Variants in POU6F2 observed in about 807,000 individuals in gnomAD.
POU6F2 encodes the protein POU domain, class 6, transcription factor 2.
A neutral mutation model predicts 71.3 loss-of-function variants in POU6F2; 31 were observed. That is an observed-to-expected ratio of 0.43 (90% CI 0.33 to 0.59). The LOEUF (loss-of-function observed/expected upper bound fraction) is 0.59, where lower values mean the gene tolerates loss of function less well. Among genes scored for constraint, POU6F2 ranks in the 20% least tolerant of loss-of-function variants. The probability of loss-of-function intolerance (pLI) is 0.04; values close to 1 mark genes in which losing one functional copy is unlikely to be tolerated. For missense variants in POU6F2, 783 were observed against 856.8 expected (o/e 0.91, Z 1.07); for synonymous variants, 347 against 355.7 (o/e 0.98, Z 0.27).
intron 4 of POU6F2, among the ~76,000 whole-genome samples, chr7:39,334,245 A>C (rs774381674): frequency 4.6e-5 from 7 of 152,212 alleles, no homozygotes; most frequent in Non-Finnish European, 7.3e-5. Context: ...ACTCTGAGGC[A>C]GAATTGACTT....
intron 2 of POU6F2, among the ~76,000 whole-genome samples, chr7:39,183,101 G>C (rs948436435): frequency 2.0e-5 from 3 of 152,182 alleles, no homozygotes; most frequent in African/African-American, 7.2e-5. Flanking sequence ...TCCACCTCCT[G>C]TCAGATCAGC....
intron 1 of POU6F2, among the ~76,000 whole-genome samples, chr7:39,020,291 C>A (rs951019469): frequency 1.3e-5 from 2 of 152,116 alleles, no homozygotes; most frequent in South Asian, 2.1e-4. Context: ...AGGGATAAAT[C>A]ATTTTTATCT....
chr7:39,260,352 C>T (rs1784110268), intron 4 of POU6F2, among the ~76,000 whole-genome samples: 1 of 150,390 alleles, frequency 6.6e-6, no homozygotes, highest in Admixed American at 6.6e-5. Flanking sequence ...TATACACATA[C>T]AACACACATA....
chr7:39,260,128 A>C (rs1784103840), intron 4 of POU6F2, among the ~76,000 whole-genome samples: 1 of 139,578 alleles, frequency 7.2e-6, no homozygotes, highest in Non-Finnish European at 1.5e-5. Context: ...ACACAATACC[A>C]CACACACCAC....
chr7:39,205,769 C>T (rs1431558901), intron 3 of POU6F2, among the ~76,000 whole-genome samples: 2 of 152,144 alleles, frequency 1.3e-5, no homozygotes, highest in Non-Finnish European at 2.9e-5. Context: ...AGCAGCAGTT[C>T]TAAACTCAGC....
In POU6F2 at chr7:39,031,679, G is replaced by A. The variant is rs565717467; in HGVS notation, c.105+53621G>A. On this transcript the variant is annotated intron_variant, in intron 1 of 9. Transcript: ENST00000518318. ...GGGCATATTATTTGACAAGGAGTTC[G>A]AGAGCAGCCTGGTCAACATGGCAAA... Among the ~76,000 whole-genome samples, 4 of 152,110 alleles carry A rather than the reference G, an allele frequency of 2.6e-5. No homozygotes were observed. In the East Asian group the frequency reaches 5.8e-4, roughly 22 times the overall value.
chr7:39,029,088 C>T (rs73369497), intron 1 of POU6F2, among the ~76,000 whole-genome samples: 3,650 of 152,162 alleles, frequency 0.024, 150 homozygotes, highest in African/African-American at 0.084. Flanking sequence ...CCCCAAAGTG[C>T]TGGGATTATA....
chr7:39,399,183 TC>T (rs1448672237), intron 5 of POU6F2, among the ~76,000 whole-genome samples: 1 of 152,154 alleles, frequency 6.6e-6, no homozygotes, highest in Non-Finnish European at 1.5e-5. Context: ...GGATACTGCT[TC>T]CTGGCCAGCT....
chr7:39,329,907 G>A (rs1377634991), intron 4 of POU6F2, among the ~76,000 whole-genome samples: 2 of 152,170 alleles, frequency 1.3e-5, no homozygotes, highest in East Asian at 3.9e-4. Flanking sequence ...ACTTAAAACA[G>A]TGCCTAAAAC....
At chr7:39,239,609 A>G (rs1356654838) in intron 4 of POU6F2, among the ~76,000 whole-genome samples, 1 of 152,100 alleles carries the variant, frequency 6.6e-6, no homozygotes, top group East Asian at 1.9e-4. Flanking sequence ...TAGGGAAGGG[A>G]TTGTGGACTT....
chr7:39,281,078 G>A (rs541249057), intron 4 of POU6F2, among the ~76,000 whole-genome samples: 13 of 151,968 alleles, frequency 8.6e-5, no homozygotes, highest in Non-Finnish European at 1.8e-4. Context: ...ATGAAAACAC[G>A]TTCATTTAGA....
chr7:39,126,250 T>C (rs1792134940), intron 2 of POU6F2, among the ~76,000 whole-genome samples: 1 of 152,198 alleles, frequency 6.6e-6, no homozygotes. Flanking sequence ...AATCATCTCA[T>C]ATCCAGGGGG....
At position 39,098,467 on chromosome 7, in the gene POU6F2, G is replaced by A. The variant is rs536079794; in HGVS notation, c.277+12436G>A. ...TTTTTTTTTTTTAATTTGCAAGAGAGGGGGGGTCTCACTTTGTTGCTTAGG... is the reference window on the plus strand; with the variant it reads ...TTTTTTTTTTTTAATTTGCAAGAGAAGGGGGGTCTCACTTTGTTGCTTAGG... On this transcript the variant is annotated intron_variant, in intron 2 of 9. Coordinates refer to ENST00000518318, the MANE Select transcript of POU6F2 (RefSeq NM_001370959.1). Among the ~76,000 whole-genome samples, 29 of 130,556 alleles carry A rather than the reference G, an allele frequency of 2.2e-4. No homozygotes were observed. The South Asian group carries it at 6.4e-3, about 29-fold the overall frequency. The allele number at this position is 130,556 out of a possible 152,430, so 85.6% of individuals were successfully genotyped here. A position where few individuals can be genotyped will look rare whatever the true frequency, so the allele number is the denominator to read the frequency against.
At chr7:39,190,558 A>G (rs1793642109) in intron 2 of POU6F2, among the ~76,000 whole-genome samples, 1 of 145,764 alleles carries the variant, frequency 6.9e-6, no homozygotes, top group Non-Finnish European at 1.5e-5. Flanking sequence ...TAGATAGAAT[A>G]TTGCCAGATT....
At chr7:39,226,974 C>T (rs1037462074) in intron 4 of POU6F2, among the ~76,000 whole-genome samples, 2 of 152,204 alleles carry the variant, frequency 1.3e-5, no homozygotes, top group Non-Finnish European at 2.9e-5. Context: ...AAATATATCA[C>T]TTCTAAATTA....
At position 39,204,225 on chromosome 7, in the gene POU6F2, T is replaced by C; in HGVS notation, c.278-10T>C. The C allele has an allele frequency of 6.2e-7, 1 of 1,611,922 alleles. No individual in the cohort carries two copies. The highest frequency in any genetic ancestry group is 8.5e-7 in the Non-Finnish European group (1 of 1,178,314). On this transcript the variant is annotated splice_polypyrimidine_tract_variant and intron_variant, in intron 2 of 9. Transcript: ENST00000518318. ...ATATATTAAGGGAGTATTTCTCTTT[T>C]GAATTCCAGGGGCTAGAGGAAACCC...
chr7:39,046,464 A>T (rs1207553635), intron 1 of POU6F2, among the ~76,000 whole-genome samples: 2 of 151,830 alleles, frequency 1.3e-5, no homozygotes, highest in African/African-American at 4.8e-5. Context: ...AATCTTTTTT[A>T]AAAAATGGGT....
intron 4 of POU6F2, among the ~76,000 whole-genome samples, chr7:39,213,833 T>C (rs1394905260): frequency 6.6e-6 from 1 of 152,224 alleles, no homozygotes; most frequent in Non-Finnish European, 1.5e-5. Flanking sequence ...TGATTGGGTG[T>C]CTCTAGGGAA....
chr7:39,353,415 A>G (rs1226607215), intron 5 of POU6F2, among the ~76,000 whole-genome samples: 1 of 152,212 alleles, frequency 6.6e-6, no homozygotes, highest in Non-Finnish European at 1.5e-5. Flanking sequence ...TGAACGACAA[A>G]TCCTCATAGT....
Sources: gnomAD v4.1 joint callset for allele counts (sites outside exome capture counted in the v4.1 genomes callset) on GRCh38, gnomAD v4.1.1 for gene constraint, MANE v1.5 for transcripts, NCBI Gene and HGNC (gene_info 2026-07-23, HGNC 2026-07-21) for gene names.